CHIC1: variants seen among roughly 807,000 people sequenced by gnomAD.
CHIC1 encodes the protein cysteine rich hydrophobic domain 1, also known as cysteine-rich hydrophobic domain-containing protein 1.
A neutral mutation model predicts 18.5 loss-of-function variants in CHIC1; 7 were observed. The ratio of observed to expected loss-of-function variants is 0.38; its 90% confidence interval spans 0.22 to 0.71. The LOEUF is 0.71. CHIC1 is among the 30% of genes least tolerant of loss of function. The probability of loss-of-function intolerance (pLI) is 0.49; values close to 1 mark genes in which losing one functional copy is unlikely to be tolerated. For synonymous variants in CHIC1, 77 were observed against 73.5 expected, an observed-to-expected ratio of 1.05 and a Z score of -0.25; for missense variants, 159 against 176.9, an observed-to-expected ratio of 0.90 and a Z score of 0.57.
rs1194100833 is a variant in CHIC1, at chrX:73,681,095, G to T, written c.*90G>T. ...GAATGAAGATGGTCTCCTTTGCTGT[G>T]TTCAACTTATTCTTTATAATGGTAG... On this transcript the variant is annotated 3_prime_UTR_variant, in exon 6 of 6. Coordinates refer to ENST00000373502, the MANE Select transcript of CHIC1 (RefSeq NM_001039840.4). 5.8e-6 allele frequency: 3 copies of T among 518,917 alleles called. No individual in the cohort carries two copies. The East Asian group carries it at 1.2e-4, about 21-fold the overall frequency. The allele number at this position is 518,917 out of a possible 1,213,427, so 42.8% of individuals were successfully genotyped here.
At chrX:73,585,020 G>T (rs1271601403) in intron 3 of CHIC1, among the ~76,000 whole-genome samples, 1 of 111,462 alleles carries the variant, frequency 9.0e-6, no homozygotes, top group Non-Finnish European at 1.9e-5. Context: ...TACTACTTAT[G>T]TCATGGATTT....
chrX:73,612,881 G>A (rs2057715405), intron 3 of CHIC1, among the ~76,000 whole-genome samples: 1 of 111,908 alleles, frequency 8.9e-6, no homozygotes, highest in Non-Finnish European at 1.9e-5. Flanking sequence ...TGTGTGGATA[G>A]ATGATCTATC....
At chrX:73,618,460 G>A (rs1038562685) in intron 3 of CHIC1, among the ~76,000 whole-genome samples, 1 of 111,359 alleles carries the variant, frequency 9.0e-6, no homozygotes, top group Non-Finnish European at 1.9e-5. Context: ...GGCTGCCGTA[G>A]GGGCTGGGGG....
intron 1 of CHIC1, among the ~76,000 whole-genome samples, chrX:73,565,240 G>A (rs887757995): frequency 9.0e-6 from 1 of 111,544 alleles, no homozygotes; most frequent in African/African-American, 3.3e-5. Flanking sequence ...TATGTTACAT[G>A]ACCGTTTAGT....
intron 3 of CHIC1, among the ~76,000 whole-genome samples, chrX:73,660,602 G>T (rs1224606870): frequency 8.9e-6 from 1 of 111,857 alleles, no homozygotes; most frequent in African/African-American, 3.3e-5. Flanking sequence ...CTCCAGAGTT[G>T]TCTTCTTCAG....
intron 3 of CHIC1, among the ~76,000 whole-genome samples, chrX:73,600,388 G>T (rs1232398151): frequency 5.4e-4 from 54 of 99,244 alleles, no homozygotes; most frequent in Admixed American, 1.3e-3. Flanking sequence ...GGAGTGGTGA[G>T]AGAGGGCATC....
intron 3 of CHIC1, among the ~76,000 whole-genome samples, chrX:73,645,125 G>A (rs1248386352): frequency 8.9e-6 from 1 of 112,403 alleles, no homozygotes; most frequent in African/African-American, 3.2e-5. Context: ...CGGAAGCTGA[G>A]ATCAATTTTT....
chrX:73,588,209 T>C (rs2057562613), intron 3 of CHIC1, among the ~76,000 whole-genome samples: 1 of 111,344 alleles, frequency 9.0e-6, no homozygotes, highest in Non-Finnish European at 1.9e-5. Context: ...ATCACCATAA[T>C]CTAATTTTAG....
intron 3 of CHIC1, among the ~76,000 whole-genome samples, chrX:73,655,279 T>C (rs1015241689): frequency 1.9e-5 from 2 of 106,522 alleles, no homozygotes; most frequent in Non-Finnish European, 3.9e-5. Context: ...GTGGTGTGTG[T>C]GTGCGTGTGT....
Position 73,682,694 on chromosome X carries a change from C to T in CHIC1, c.*1689C>T, listed in dbSNP as rs1228430713. The stretch of plus-strand genomic sequence containing the variant: ...TCCACCTTCCTCTGTGCCCCATTAC[C>T]TCTGTGCCACTCAGTCACCCCAAAT... On this transcript the variant is annotated 3_prime_UTR_variant, in exon 6 of 6. Coordinates refer to ENST00000373502, the MANE Select transcript of CHIC1 (RefSeq NM_001039840.4). The T allele has an allele frequency of 9.0e-6, 1 of 111,712 alleles. No individual in the cohort carries two copies. Among genetic ancestry groups the T allele is most frequent in the African/African-American group, 3.2e-5 (1 of 30,799 alleles). 9.2% of individuals were successfully genotyped at this position (111,712 alleles called of 1,213,427 possible).
At chrX:73,672,121 G>C (rs1424492712) in intron 3 of CHIC1, among the ~76,000 whole-genome samples, 1 of 111,877 alleles carries the variant, frequency 8.9e-6, no homozygotes, top group Non-Finnish European at 1.9e-5. Context: ...TGGCTGCATA[G>C]TATTCCATGG....
chrX:73,577,351 A>G (rs1182140917), intron 1 of CHIC1, 56 bp from the exon 2 acceptor site: 5 of 923,126 alleles, frequency 5.4e-6, no homozygotes, highest in Non-Finnish European at 7.5e-6. Flanking sequence ...TTTAAAAAAA[A>G]GGGAAGATTT....
intron 3 of CHIC1, among the ~76,000 whole-genome samples, chrX:73,611,085 A>G (rs895562158): frequency 1.9e-5 from 2 of 107,209 alleles, no homozygotes; most frequent in Admixed American, 2.0e-4. Flanking sequence ...TTAGTTACAT[A>G]TGTACACATG....
intron 3 of CHIC1, among the ~76,000 whole-genome samples, chrX:73,672,164 A>G (rs1391885631): frequency 2.7e-5 from 3 of 111,638 alleles, no homozygotes; most frequent in Non-Finnish European, 3.8e-5. Context: ...AATCCAGTCT[A>G]TTGTTGTTGG....
intron 3 of CHIC1, among the ~76,000 whole-genome samples, chrX:73,631,658 T>C (rs1459752640): frequency 8.9e-6 from 1 of 111,783 alleles, no homozygotes; most frequent in Admixed American, 9.5e-5. Flanking sequence ...GATATCTTTT[T>C]TAATGTAAGC....
At chrX:73,564,719 A>G (rs1377728702) in intron 1 of CHIC1, among the ~76,000 whole-genome samples, 1 of 108,133 alleles carries the variant, frequency 9.2e-6, no homozygotes, top group Non-Finnish European at 1.9e-5. Context: ...TTGACTTTCA[A>G]TTGAGTTCAT....
intron 3 of CHIC1, among the ~76,000 whole-genome samples, chrX:73,630,483 A>G (rs1281690056): frequency 9.0e-6 from 1 of 111,539 alleles, no homozygotes; most frequent in Non-Finnish European, 1.9e-5. Context: ...TTCTTTCTGT[A>G]CATATTAATA....
At chrX:73,673,228 C>T (rs1378463746) in intron 3 of CHIC1, among the ~76,000 whole-genome samples, 48 of 111,312 alleles carry the variant, frequency 4.3e-4, no homozygotes, top group Non-Finnish European at 6.8e-4. Flanking sequence ...CTTGGCGATG[C>T]GGGCTCTTTT....
At chrX:73,673,102 G>C (rs974851770) in intron 3 of CHIC1, among the ~76,000 whole-genome samples, 2 of 111,597 alleles carry the variant, frequency 1.8e-5, no homozygotes, top group Admixed American at 1.9e-4. Flanking sequence ...CTGTTCCATT[G>C]ATCTATATCT....
Sources: allele counts gnomAD v4.1 joint callset (sites outside exome capture counted in the v4.1 genomes callset), GRCh38; gene constraint gnomAD v4.1.1; transcripts MANE v1.5; gene names NCBI Gene and HGNC (gene_info 2026-07-23, HGNC 2026-07-21).